The following SLC16A7 variants were observed in gnomAD, a reference collection of about 807,000 sequenced individuals.
The protein encoded by SLC16A7 is monocarboxylate transporter 2.
SLC16A7 carries 33 observed loss-of-function variants against 34.9 expected under a neutral mutation model. The ratio of observed to expected loss-of-function variants is 0.94; its 90% confidence interval spans 0.72 to 1.26. The LOEUF is 1.26. Ranked by LOEUF, SLC16A7 falls within the 50% of genes most tolerant of loss-of-function variation. The probability of loss-of-function intolerance (pLI) is 0.00; values close to 1 mark genes in which losing one functional copy is unlikely to be tolerated. For missense variants in SLC16A7, 573 were observed against 578.1 expected (o/e 0.99, Z 0.09); for synonymous variants, 201 against 206.6 (o/e 0.97, Z 0.23).
In SLC16A7 at chr12:59,665,809, C is replaced by CGTGTGTGT. The variant is rs34983187; in HGVS notation, c.-31+10586_-31+10593dup. 2.3e-3 allele frequency among the ~76,000 whole-genome samples: 324 copies of CGTGTGTGT among 143,066 alleles called. 1 individual carries two copies. The highest frequency in any genetic ancestry group is 7.7e-3 in the African/African-American group (304 of 39,472). The allele number at this position is 143,066 out of a possible 152,430, so 93.9% of individuals were successfully genotyped here. On this transcript the variant is annotated intron_variant, in intron 2 of 5. Transcript: ENST00000547379. ...ACATATAACTTTTATATATATAACA[C>CGTGTGTGT]GTGTGTGTGTGTGTGTGTGTGTGTG...
At chr12:59,649,126 A>G (rs1376321188) in intron 1 of SLC16A7, among the ~76,000 whole-genome samples, 1 of 152,210 alleles carries the variant, frequency 6.6e-6, no homozygotes, top group Non-Finnish European at 1.5e-5. Context: ...ATGCATGAAG[A>G]CGATGACTTA....
chr12:59,666,693 A>G (rs1446392551), intron 2 of SLC16A7, among the ~76,000 whole-genome samples: 1 of 152,132 alleles, frequency 6.6e-6, no homozygotes, highest in Non-Finnish European at 1.5e-5. Context: ...GCCTTCCACC[A>G]TGATTGTGAG....
intron 1 of SLC16A7, among the ~76,000 whole-genome samples, chr12:59,609,210 A>G (rs1395710598): frequency 1.3e-5 from 2 of 152,358 alleles, no homozygotes; most frequent in South Asian, 2.1e-4. Flanking sequence ...GGATGCTTTT[A>G]GGGAGATACT....
intron 3 of SLC16A7, among the ~76,000 whole-genome samples, chr12:59,732,243 C>T (rs1877038166): frequency 6.6e-6 from 1 of 151,868 alleles, no homozygotes; most frequent in Admixed American, 6.6e-5. Context: ...ATGAAGAAAC[C>T]CTATCTCTAC....
chr12:59,772,485 T>C (rs1882330043), intron 4 of SLC16A7, among the ~76,000 whole-genome samples: 1 of 152,156 alleles, frequency 6.6e-6, no homozygotes, highest in African/African-American at 2.4e-5. Flanking sequence ...TTATTGGTGT[T>C]TCAACTTAGA....
At chr12:59,714,135 G>A (rs1592557037) in intron 3 of SLC16A7, among the ~76,000 whole-genome samples, 1 of 152,324 alleles carries the variant, frequency 6.6e-6, no homozygotes, top group Non-Finnish European at 1.5e-5. Flanking sequence ...AGAGGAAACA[G>A]TATTTGTGAA....
At chr12:59,665,846 A>ATG (rs1869156423) in intron 2 of SLC16A7, among the ~76,000 whole-genome samples, 2 of 144,934 alleles carry the variant, frequency 1.4e-5, no homozygotes, top group African/African-American at 5.3e-5. Flanking sequence ...GTGTGTGTCT[A>ATG]TGTGTGTGTG....
intron 2 of SLC16A7, among the ~76,000 whole-genome samples, chr12:59,692,493 C>T (rs1340732909): frequency 6.6e-6 from 1 of 151,886 alleles, no homozygotes; most frequent in Non-Finnish European, 1.5e-5. Flanking sequence ...CAAATAGGCA[C>T]TCAAAAAGTT....
intron 2 of SLC16A7, among the ~76,000 whole-genome samples, chr12:59,683,799 G>A (rs1359789664): frequency 2.0e-5 from 3 of 152,132 alleles, no homozygotes; most frequent in African/African-American, 7.2e-5. Context: ...ACCTTTATGA[G>A]AACCCACATA....
intron 3 of SLC16A7, among the ~76,000 whole-genome samples, chr12:59,742,011 G>C (rs1055027509): frequency 2.0e-5 from 3 of 152,104 alleles, no homozygotes; most frequent in Admixed American, 6.5e-5. Context: ...AGATCCTAGC[G>C]GGTGATTTGG....
At chr12:59,725,426 C>T (rs1022133703) in intron 3 of SLC16A7, among the ~76,000 whole-genome samples, 3 of 152,024 alleles carry the variant, frequency 2.0e-5, no homozygotes, top group Non-Finnish European at 4.4e-5. Flanking sequence ...GATTTTGTGG[C>T]ACCTTCTATC....
intron 3 of SLC16A7, chr12:59,768,320 T>G: frequency 5.2e-6 from 2 of 384,352 alleles, no homozygotes; most frequent in South Asian, 4.0e-5. Flanking sequence ...AGGACTTCAG[T>G]GAAGTAAGTA....
At chr12:59,672,867 G>A (rs1870002712) in intron 2 of SLC16A7, among the ~76,000 whole-genome samples, 2 of 152,088 alleles carry the variant, frequency 1.3e-5, no homozygotes, top group Non-Finnish European at 2.9e-5. Flanking sequence ...TAATCAAAGA[G>A]CTTTATTTGT....
chr12:59,734,122 A>G (rs1055241515), intron 3 of SLC16A7: 1 of 225,666 alleles, frequency 4.4e-6, no homozygotes, highest in African/African-American at 2.3e-5. Context: ...TTCACCAAGG[A>G]TCCACCCCTT....
chr12:59,609,595 G>A (rs999089411), intron 1 of SLC16A7, among the ~76,000 whole-genome samples: 6 of 152,086 alleles, frequency 3.9e-5, no homozygotes, highest in Admixed American at 3.9e-4. Flanking sequence ...CCTTCTGAAT[G>A]TCAAAGTGCC....
At chr12:59,623,437 T>G (rs574252185) in intron 1 of SLC16A7, among the ~76,000 whole-genome samples, 3 of 151,870 alleles carry the variant, frequency 2.0e-5, no homozygotes, top group African/African-American at 7.2e-5. Context: ...ATGGCCTATC[T>G]CCCTATTCTG....
chr12:59,748,391 G>A (rs1327247928), intron 3 of SLC16A7, among the ~76,000 whole-genome samples: 1 of 152,152 alleles, frequency 6.6e-6, no homozygotes, highest in Non-Finnish European at 1.5e-5. Flanking sequence ...GCCATCTCCT[G>A]TTGCTACTGT....
chr12:59,743,314 T>A lies in SLC16A7; in HGVS notation c.218-27905T>A, dbSNP rs947256988. On this transcript the variant is annotated intron_variant, in intron 3 of 5. Coordinates refer to ENST00000547379, the MANE Select transcript of SLC16A7 (RefSeq NM_001270623.2). ...AATATTTTTGGACTTAAGAAAATAC[T>A]TGTAAAAGTTATATTGACAAAAGAT... Among the ~76,000 whole-genome samples, 11 of 152,206 alleles carry A rather than the reference T, an allele frequency of 7.2e-5. No homozygotes were observed. The East Asian group carries it at 7.7e-4, about 11-fold the overall frequency.
chr12:59,779,592 C>T lies in SLC16A7; in HGVS notation c.1350C>T (p.Pro450=), dbSNP rs756459333. The T allele has an allele frequency of 2.5e-6, 4 of 1,612,092 alleles. No individual in the cohort carries two copies. Among genetic ancestry groups the T allele is most frequent in the Non-Finnish European group, 3.4e-6 (4 of 1,178,660 alleles). The change falls in exon 6 of 6, where the codon CCC becomes CCT. Residue 450 remains proline (P), a synonymous_variant. Coordinates refer to ENST00000547379, the MANE Select transcript of SLC16A7 (RefSeq NM_001270623.2). ...GGCAGAAGACCAGAGAATCTGAACC[C>T]TTGAGCAAATCTAAACATTCGGAAG... ...NARQKTRESE[P]LSKSKHSEDV...
Sources: gnomAD v4.1 joint callset for allele counts (sites outside exome capture counted in the v4.1 genomes callset) on GRCh38, gnomAD v4.1.1 for gene constraint, MANE v1.5 for transcripts, NCBI Gene and HGNC (gene_info 2026-07-23, HGNC 2026-07-21) for gene names.